The following MATN2 variants were observed in gnomAD, a reference collection of about 807,000 sequenced individuals.
MATN2 encodes the protein matrilin-2.
MATN2 carries 69 observed loss-of-function variants against 103.2 expected under a neutral mutation model. The observed-to-expected ratio is 0.67, with a 90% CI of 0.55 to 0.82. The LOEUF is 0.82. Ranked by LOEUF, MATN2 falls within the 40% of genes least tolerant of loss-of-function variation. The probability of loss-of-function intolerance (pLI) is 0.00; values close to 1 mark genes in which losing one functional copy is unlikely to be tolerated. For synonymous variants in MATN2, 429 were observed against 450.2 expected (o/e 0.95, Z 0.60); for missense variants, 1,023 against 1,211.5 (o/e 0.84, Z 2.31).
At chr8:98,012,332 G>A (rs886130004) in intron 10 of MATN2, among the ~76,000 whole-genome samples, 2 of 152,176 alleles carry the variant, frequency 1.3e-5, no homozygotes, top group African/African-American at 4.8e-5. Context: ...TGAGAGTGGT[G>A]ATGTGAGAAG....
At chr8:98,020,101 T>C (rs1019928974) in intron 12 of MATN2, among the ~76,000 whole-genome samples, 1 of 152,172 alleles carries the variant, frequency 6.6e-6, no homozygotes, top group African/African-American at 2.4e-5. Flanking sequence ...TTGTCTATAA[T>C]TCTGCCCATT....
intron 2 of MATN2, among the ~76,000 whole-genome samples, chr8:97,913,996 G>C (rs926948935): frequency 6.6e-6 from 1 of 152,180 alleles, no homozygotes; most frequent in South Asian, 2.1e-4. Flanking sequence ...AGGGCCCATC[G>C]TTGACCTAAA....
At chr8:97,925,395 A>G (rs28524918) in intron 2 of MATN2, among the ~76,000 whole-genome samples, 19,760 of 151,888 alleles carry the variant, frequency 0.13, 1,527 homozygotes, top group Non-Finnish European at 0.17. Context: ...TATTTACTTC[A>G]CTTTTATACT....
intron 1 of MATN2, among the ~76,000 whole-genome samples, 185 bp downstream of exon 1, chr8:97,869,472 G>C (rs1563634203): frequency 6.6e-6 from 1 of 152,016 alleles, no homozygotes; most frequent in Non-Finnish European, 1.5e-5. Context: ...GACAGGGGGA[G>C]AGGGAGGGCG....
chr8:98,011,112 G>A (rs1276340762), intron 10 of MATN2, among the ~76,000 whole-genome samples: 2 of 152,224 alleles, frequency 1.3e-5, no homozygotes, highest in African/African-American at 4.8e-5. Context: ...ACCCAGCTGT[G>A]TCCTCATATT....
rs541676552 is a variant in MATN2 at position 97,936,472 on chromosome 8, G to A, written c.712+4950G>A. Among the ~76,000 whole-genome samples the A allele has an allele frequency of 2.6e-5, 4 of 152,244 alleles. No homozygotes were observed. The South Asian group carries it at 8.3e-4, about 32-fold the overall frequency. ...CACCCCTTTGAGGTCCTGATGTGAA[G>A]TGGGGAGGCTGGACTGACTTCACAA... On this transcript the variant is annotated intron_variant, in intron 3 of 18. Coordinates refer to ENST00000254898, the MANE Select transcript of MATN2 (RefSeq NM_002380.5).
chr8:97,948,576 G>T (rs544618988), intron 4 of MATN2, among the ~76,000 whole-genome samples: 21 of 152,296 alleles, frequency 1.4e-4, no homozygotes, highest in African/African-American at 4.8e-4. Flanking sequence ...GACGGAGTGG[G>T]AAGGCAATCC....
intron 12 of MATN2, among the ~76,000 whole-genome samples, chr8:98,020,618 C>G (rs1813555982): frequency 1.3e-5 from 2 of 152,154 alleles, no homozygotes; most frequent in Admixed American, 1.3e-4. Context: ...CTCACTGATT[C>G]CAATTTTGTG....
intron 17 of MATN2, 113 bp downstream of exon 17, chr8:98,033,289 G>A (rs1478463985): frequency 3.1e-6 from 3 of 953,100 alleles, no homozygotes; most frequent in Admixed American, 3.2e-5. Flanking sequence ...TAGTATAGAG[G>A]AAAAGAGAAG....
At chr8:97,948,866 TATTTA>T (rs201468631) in intron 4 of MATN2, among the ~76,000 whole-genome samples, 13,867 of 152,184 alleles carry the variant, frequency 0.091, 891 homozygotes, top group Admixed American at 0.2. Context: ...AAAATCAATA[TATTTA>T]ATCACAATGA....
rs1586097221 is a variant in MATN2, at chr8:97,963,451, A to C, written c.958+1921A>C. 2.0e-5 allele frequency among the ~76,000 whole-genome samples: 3 copies of C among 152,220 alleles called. No homozygotes were observed. In the South Asian group the frequency reaches 6.2e-4, roughly 32 times the overall value. On this transcript the variant is annotated intron_variant, in intron 5 of 18. Transcript: ENST00000254898. ...CATGGGAAACTGGAGGCCACTGAAAAACCCATTTCTCTGAGTGTTTCCAAA... is the reference window on the plus strand; with the variant it reads ...CATGGGAAACTGGAGGCCACTGAAACACCCATTTCTCTGAGTGTTTCCAAA...
At chr8:97,987,302 A>G (rs1230687272) in intron 6 of MATN2, among the ~76,000 whole-genome samples, 1 of 152,128 alleles carries the variant, frequency 6.6e-6, no homozygotes, top group African/African-American at 2.4e-5. Context: ...GAGTGGGGAG[A>G]GGGAAAGCAT....
chr8:98,023,758 G>A (rs1428533666), intron 13 of MATN2, among the ~76,000 whole-genome samples: 5 of 151,958 alleles, frequency 3.3e-5, no homozygotes, highest in African/African-American at 9.7e-5. Flanking sequence ...TCACTATTAC[G>A]ATTCACAATA....
At position 97,985,060 on chromosome 8, in the gene MATN2, A is replaced by G. The variant is rs1369034997; in HGVS notation, c.1081+6052A>G. ...TAGTCCATTTGTGTTGCTATAAAGG[A>G]ACACCTGAGACTGGGTAATTTATAA... On this transcript the variant is annotated intron_variant, in intron 6 of 18. Coordinates refer to ENST00000254898, the MANE Select transcript of MATN2 (RefSeq NM_002380.5). 5.3e-5 allele frequency among the ~76,000 whole-genome samples: 8 copies of G among 152,344 alleles called. 1 individual carries two copies. Among genetic ancestry groups the G allele is most frequent in the African/African-American group, 1.9e-4 (8 of 41,590 alleles).
chr8:97,953,150 C>T (rs1202771355), intron 4 of MATN2, among the ~76,000 whole-genome samples: 2 of 149,526 alleles, frequency 1.3e-5, no homozygotes, highest in Admixed American at 1.4e-4. Flanking sequence ...CTTGATCCTC[C>T]TGCGTTGGCC....
At chr8:97,870,607 T>C (rs1041964554) in intron 1 of MATN2, among the ~76,000 whole-genome samples, 2 of 152,334 alleles carry the variant, frequency 1.3e-5, no homozygotes, top group Middle Eastern at 3.4e-3. Context: ...GGCTTGTCTT[T>C]GCAGAAATAG....
chr8:97,915,202 G>C (rs995655699), intron 2 of MATN2, among the ~76,000 whole-genome samples: 2 of 152,054 alleles, frequency 1.3e-5, no homozygotes, highest in African/African-American at 4.8e-5. Flanking sequence ...ATGTTGCCCA[G>C]GCTGGTCTCT....
chr8:97,927,104 G>C (rs1216406721), intron 2 of MATN2, among the ~76,000 whole-genome samples: 1 of 151,030 alleles, frequency 6.6e-6, no homozygotes, highest in Non-Finnish European at 1.5e-5. Context: ...GTGGTGCACT[G>C]GTCTTAGTTT....
At chr8:97,926,097 C>T (rs1482294193) in intron 2 of MATN2, among the ~76,000 whole-genome samples, 1 of 152,126 alleles carries the variant, frequency 6.6e-6, no homozygotes, top group East Asian at 1.9e-4. Flanking sequence ...CACTCATTTG[C>T]CCAATACATG....
Sources: gnomAD v4.1 joint callset for allele counts (sites outside exome capture counted in the v4.1 genomes callset) on GRCh38, gnomAD v4.1.1 for gene constraint, MANE v1.5 for transcripts, NCBI Gene and HGNC (gene_info 2026-07-23, HGNC 2026-07-21) for gene names.